The following INTU variants were observed in gnomAD, a reference collection of about 807,000 sequenced individuals.
The protein encoded by INTU is inturned planar cell polarity protein, also known as protein inturned.
In INTU, 68 loss-of-function variants were observed where a neutral mutation model predicts 100.5. The observed-to-expected ratio is 0.68, with a 90% CI of 0.56 to 0.83. The LOEUF (loss-of-function observed/expected upper bound fraction) is 0.83, where lower values mean the gene tolerates loss of function less well. INTU is among the 40% of genes least tolerant of loss of function. INTU has a pLI of 0.00. For synonymous variants in INTU, 357 were observed against 395.7 expected (o/e 0.90, Z 1.16); for missense variants, 1,071 against 1,114.7 (o/e 0.96, Z 0.56).
intron 13 of INTU, among the ~76,000 whole-genome samples, chr4:127,710,510 T>C (rs1731053986): frequency 6.6e-6 from 1 of 152,208 alleles, no homozygotes; most frequent in South Asian, 2.1e-4. Context: ...TATTTTTATA[T>C]GTGGTCTACC....
intron 4 of INTU, among the ~76,000 whole-genome samples, chr4:127,667,826 T>C (rs1728761098): frequency 6.6e-6 from 1 of 152,088 alleles, no homozygotes. Context: ...CTATAGCAAT[T>C]TGCATATATT....
intron 8 of INTU, among the ~76,000 whole-genome samples, chr4:127,697,701 A>C (rs1730454948): frequency 6.6e-6 from 1 of 152,126 alleles, no homozygotes; most frequent in Admixed American, 6.5e-5. Context: ...TTCTTTATCC[A>C]TTCATCTGTT....
intron 1 of INTU, among the ~76,000 whole-genome samples, chr4:127,640,538 GATACATATAT>G (rs1467425237): frequency 1.7e-4 from 12 of 70,372 alleles, no homozygotes; most frequent in African/African-American, 7.9e-4. Flanking sequence ...TTTGGGTAAA[GATACATATAT>G]ATATATATAT....
intron 8 of INTU, among the ~76,000 whole-genome samples, chr4:127,694,330 CTT>C (rs1296608473): frequency 6.6e-6 from 1 of 151,852 alleles, no homozygotes; most frequent in Non-Finnish European, 1.5e-5. Context: ...TTATCCATCT[CTT>C]TTAGGTTTTC....
intron 6 of INTU, among the ~76,000 whole-genome samples, chr4:127,682,877 T>C (rs905275974): frequency 1.3e-5 from 2 of 152,278 alleles, no homozygotes; most frequent in East Asian, 3.9e-4. Context: ...TTTAAGACTT[T>C]TGTAGCAGCC....
chr4:127,646,794 A>G (rs1240909671), intron 2 of INTU, among the ~76,000 whole-genome samples: 1 of 152,176 alleles, frequency 6.6e-6, no homozygotes, highest in Non-Finnish European at 1.5e-5. Context: ...TGGTGCCCAC[A>G]TATTATAGAC....
chr4:127,651,485 C>T (rs1413757733), intron 2 of INTU, among the ~76,000 whole-genome samples: 1 of 152,188 alleles, frequency 6.6e-6, no homozygotes, highest in Non-Finnish European at 1.5e-5. Flanking sequence ...AATCCTTTCC[C>T]CATTGCTTGT....
At chr4:127,715,940 C>T (rs1290620437) in intron 15 of INTU, among the ~76,000 whole-genome samples, 1 of 151,968 alleles carries the variant, frequency 6.6e-6, no homozygotes, top group African/African-American at 2.4e-5. Flanking sequence ...AAAAAAGCTA[C>T]CATATATTTA....
intron 1 of INTU, among the ~76,000 whole-genome samples, chr4:127,634,522 A>T (rs1396710726): frequency 6.6e-6 from 1 of 152,220 alleles, no homozygotes; most frequent in Non-Finnish European, 1.5e-5. Context: ...GTTTCCTAGG[A>T]AATGACCAAT....
rs1731331115 is a variant in INTU, at chr4:127,720,499, A to G, written c.*4063A>G. 6.6e-6 allele frequency: 1 copy of G among 152,166 alleles called. No individual in the cohort carries two copies. Among genetic ancestry groups the G allele is most frequent in the African/African-American group, 2.4e-5 (1 of 41,438 alleles). 9.4% of individuals were successfully genotyped at this position (152,166 alleles called of 1,614,324 possible). ...GATGTCTAGATATTTATCAGGTCCC[A>G]CTTGATCCAGAGCTGAGGTCAAGTC... is the stretch of plus-strand genomic sequence containing the variant. On this transcript the variant is annotated 3_prime_UTR_variant, in exon 16 of 16. Transcript: ENST00000335251.
At chr4:127,684,363 C>A in intron 6 of INTU, 46 bp from the exon 7 acceptor site, 2 of 1,010,716 alleles carry the variant, frequency 2.0e-6, no homozygotes, top group South Asian at 1.4e-5. Flanking sequence ...AGATAAATGT[C>A]ATTTGATTAT....
At chr4:127,684,974 A>G (rs936082776) in intron 7 of INTU, among the ~76,000 whole-genome samples, 1 of 152,116 alleles carries the variant, frequency 6.6e-6, no homozygotes, top group African/African-American at 2.4e-5. Flanking sequence ...TTCTTTGCTT[A>G]TAAGACCATC....
chr4:127,663,229 A>C (rs1728548009), intron 3 of INTU, 152 bp from the exon 4 acceptor site: 1 of 594,856 alleles, frequency 1.7e-6, no homozygotes, highest in Non-Finnish European at 3.0e-6. Context: ...TAAATAGAAT[A>C]CGTAGTCCCA....
chr4:127,649,260 A>C (rs1353551151), intron 2 of INTU, among the ~76,000 whole-genome samples: 4 of 152,220 alleles, frequency 2.6e-5, no homozygotes, highest in Non-Finnish European at 4.4e-5. Flanking sequence ...TGAGCACAGC[A>C]TTGACCTTAT....
At chr4:127,684,619 C>A in intron 7 of INTU, 133 bp downstream of exon 7, 1 of 522,806 alleles carries the variant, frequency 1.9e-6, no homozygotes, top group Non-Finnish European at 3.3e-6. Flanking sequence ...TTTCCTCCTC[C>A]TCTTCCTTCC....
chr4:127,652,437 T>C (rs1347266489), intron 2 of INTU, among the ~76,000 whole-genome samples: 11 of 127,666 alleles, frequency 8.6e-5, no homozygotes, highest in Non-Finnish European at 1.6e-4. Flanking sequence ...TGAAGGGTTG[T>C]TGAATTTTGT....
At chr4:127,707,102 G>C (rs1730915347) in intron 12 of INTU, 133 bp downstream of exon 12, 2 of 1,057,518 alleles carry the variant, frequency 1.9e-6, no homozygotes, top group South Asian at 3.2e-5. Context: ...GTCACTGCTG[G>C]CAAACCAATG....
intron 4 of INTU, 115 bp downstream of exon 4, chr4:127,663,699 G>T: frequency 1.4e-6 from 1 of 722,082 alleles, no homozygotes; most frequent in Non-Finnish European, 2.3e-6. Flanking sequence ...TTAAGCAAGA[G>T]ACAAAAATGA....
Position 127,710,900 on chromosome 4 carries a change from T to C in INTU, c.2370-13T>C, listed in dbSNP as rs926370316. 4 of 1,414,366 alleles carry C rather than the reference T, an allele frequency of 2.8e-6. No individual in the cohort carries two copies. In the South Asian group the frequency reaches 7.4e-5, roughly 26 times the overall value. 87.6% of individuals were successfully genotyped at this position (1,414,366 alleles called of 1,614,324 possible). On this transcript the variant is annotated splice_polypyrimidine_tract_variant and intron_variant, in intron 13 of 15. Coordinates refer to ENST00000335251, the MANE Select transcript of INTU (RefSeq NM_015693.4). The stretch of plus-strand genomic sequence containing the variant: ...TTTCTTTTTTCTTCTCTTTGATTTT[T>C]TTTCTTTTTAAGACTGACATCTGGT...
Sources: allele counts gnomAD v4.1 joint callset (sites outside exome capture counted in the v4.1 genomes callset), GRCh38; gene constraint gnomAD v4.1.1; transcripts MANE v1.5; gene names NCBI Gene and HGNC (gene_info 2026-07-23, HGNC 2026-07-21).